Variants in BCCIP observed in about 807,000 individuals in gnomAD.
BCCIP encodes BRCA2 and CDKN1A-interacting protein.
BCCIP carries 23 observed loss-of-function variants against 32.8 expected under a neutral mutation model. The observed-to-expected ratio is 0.70, with a 90% CI of 0.51 to 0.99. The LOEUF (loss-of-function observed/expected upper bound fraction) is 0.99. Ranked by LOEUF, BCCIP falls within the 50% of genes least tolerant of loss-of-function variation. BCCIP has a pLI of 0.00. For missense variants in BCCIP, 378 were observed against 379.8 expected, an observed-to-expected ratio of 1.00 and a Z score of 0.04; for synonymous variants, 144 against 137.6, an observed-to-expected ratio of 1.05 and a Z score of -0.33.
chr10:125,828,547 G>A (rs1440001322), intron 3 of BCCIP, among the ~76,000 whole-genome samples: 1 of 152,176 alleles, frequency 6.6e-6, no homozygotes, highest in Non-Finnish European at 1.5e-5. Context: ...GTCATACACA[G>A]CAAGAAAGAT....
At chr10:125,841,676 G>C in exon 7 of BCCIP, 1 of 1,558,542 alleles carries the variant, frequency 6.4e-7, no homozygotes, top group South Asian at 1.3e-5. Flanking sequence ...ATTTCAAATG[G>C]ATCCGATCTA....
At chr10:125,833,661 C>T in intron 5 of BCCIP, 111 bp from the exon 6 acceptor site, 3 of 962,762 alleles carry the variant, frequency 3.1e-6, no homozygotes, top group Non-Finnish European at 4.8e-6. Flanking sequence ...TGAATGCCTG[C>T]GTCACAGCAG....
downstream of BCCIP, among the ~76,000 whole-genome samples, chr10:125,837,505 G>A (rs1302389215): frequency 6.6e-6 from 1 of 152,166 alleles, no homozygotes; most frequent in Admixed American, 6.5e-5. Context: ...GTACCTCACT[G>A]CAGCCTTGAC....
downstream of BCCIP, chr10:125,840,825 T>C (rs762465972): frequency 5.7e-5 from 89 of 1,550,930 alleles, no homozygotes; most frequent in Non-Finnish European, 7.7e-5. Context: ...AATTAATAGG[T>C]AGTTTCTGAG....
rs749032122 is a variant in BCCIP at position 125,823,573 on chromosome 10, A to G, written c.16A>G (p.Lys6Glu). ...GAGCGGCAACATGGCGTCCAGGTCTAAGCGGCGTGCCGTGGAAAGTGGGGT... is the reference window on the plus strand; with the variant it reads ...GAGCGGCAACATGGCGTCCAGGTCTGAGCGGCGTGCCGTGGAAAGTGGGGT... MASRS[K>E]RRAVESGVPQ... Residue 6 changes from lysine (K) to glutamate (E), a missense_variant, in exon 1 of 7, where the codon AAG (lysine) becomes GAG (glutamate). By Grantham distance (56) the Lys-to-Glu change is moderately conservative. Transcript: ENST00000278100. 13 of 1,613,778 alleles carry G rather than the reference A, an allele frequency of 8.1e-6. No homozygotes were observed. Among genetic ancestry groups the G allele is most frequent in the Admixed American group, 1.7e-5 (1 of 60,002 alleles).
Position 125,836,384 on chromosome 10 carries a change from A to G in BCCIP, c.*110A>G. 1.9e-6 allele frequency: 3 copies of G among 1,555,864 alleles called. No individual in the cohort carries two copies. The highest frequency in any genetic ancestry group is 2.6e-6 in the Non-Finnish European group (3 of 1,153,806). ...ATTCAGATTAAGTTCCTCTACAAAA[A>G]GTAGGGTTCTGTCCCATGTGTCTCT... On this transcript the variant is annotated 3_prime_UTR_variant, in exon 7 of 7. Coordinates refer to ENST00000278100, the MANE Select transcript of BCCIP (RefSeq NM_078468.3).
rs1854393979 is a variant in BCCIP, at chr10:125,826,621, C to T, written c.196C>T (p.Leu66=). Residue 66 remains leucine, a synonymous_variant, in exon 2 of 7, where the codon CTA becomes TTA. Coordinates refer to ENST00000278100, the MANE Select transcript of BCCIP (RefSeq NM_078468.3). ...EVNIEFEAYS[L]SDNDYDGIKK... The stretch of plus-strand genomic sequence containing the variant: ...GAATATTGAATTTGAAGCTTATTCC[C>T]TATCAGATAATGATTATGACGGAAT... 1.9e-6 allele frequency: 3 copies of T among 1,613,562 alleles called. No individual in the cohort carries two copies. Among genetic ancestry groups the T allele is most frequent in the Non-Finnish European group, 2.5e-6 (3 of 1,179,756 alleles).
At chr10:125,831,272 C>G (rs1394175467) in intron 4 of BCCIP, 148 bp from the exon 5 acceptor site, 2 of 658,040 alleles carry the variant, frequency 3.0e-6, no homozygotes, top group Non-Finnish European at 5.2e-6. Flanking sequence ...AATGCTTAAG[C>G]AGTCAACACT....
downstream of BCCIP, chr10:125,841,071 G>A: frequency 1.3e-5 from 19 of 1,505,266 alleles, no homozygotes; most frequent in Non-Finnish European, 1.7e-5. Context: ...AGAGGGGAGG[G>A]GTCACGACTG....
intron 6 of BCCIP, among the ~76,000 whole-genome samples, chr10:125,834,525 A>G (rs1486308649): frequency 6.6e-6 from 1 of 152,106 alleles, no homozygotes; most frequent in African/African-American, 2.4e-5. Flanking sequence ...GAAGTGGGCC[A>G]GGTGCGGTGG....
intron 5 of BCCIP, among the ~76,000 whole-genome samples, chr10:125,832,515 T>C (rs181002649): frequency 7.0e-4 from 107 of 152,324 alleles, no homozygotes; most frequent in African/African-American, 2.5e-3. Flanking sequence ...GTAGCTCAGA[T>C]TGTGCTTCTG....
intron 3 of BCCIP, among the ~76,000 whole-genome samples, chr10:125,829,240 G>A (rs147389192): frequency 8.3e-4 from 127 of 152,298 alleles, no homozygotes; most frequent in African/African-American, 2.8e-3. Flanking sequence ...TACTAGCACC[G>A]ATCTTGTAGA....
At chr10:125,836,629 G>T, downstream of BCCIP, 1 of 1,579,638 alleles carries the variant, frequency 6.3e-7, no homozygotes, top group Non-Finnish European at 8.6e-7. Flanking sequence ...CCCATATCCA[G>T]CAGTTCAGCC....
chr10:125,828,220 C>T (rs1031833362), intron 3 of BCCIP, among the ~76,000 whole-genome samples: 7 of 152,042 alleles, frequency 4.6e-5, no homozygotes, highest in African/African-American at 9.7e-5. Flanking sequence ...AGGATGACTT[C>T]CAGGTTTCTA....
intron 5 of BCCIP, 110 bp downstream of exon 5, chr10:125,831,717 T>A: frequency 9.0e-7 from 1 of 1,105,948 alleles, no homozygotes; most frequent in Non-Finnish European, 1.3e-6. Context: ...GTCCTTGGTT[T>A]AAGTGGGTTT....
rs376359398 is a variant in BCCIP at position 125,834,768 on chromosome 10, G to A, written c.774+822G>A. Among the ~76,000 whole-genome samples the A allele has an allele frequency of 5.3e-4, 80 of 150,934 alleles. No individual in the cohort carries two copies. The South Asian group carries it at 0.016, about 31-fold the overall frequency. ...AGAGGCTGCAGTGAGCCGAGATCGC[G>A]CCACTGCACTCCAGCCTGAGCAACA... On this transcript the variant is annotated intron_variant, in intron 6 of 6. Transcript: ENST00000278100.
At chr10:125,835,315 T>A (rs1312648309) in intron 6 of BCCIP, among the ~76,000 whole-genome samples, 1 of 151,900 alleles carries the variant, frequency 6.6e-6, no homozygotes, top group Non-Finnish European at 1.5e-5. Flanking sequence ...GTGCGGTGGC[T>A]CATGCCTGTA....
At position 125,852,300 on chromosome 10, in the gene BCCIP, G is replaced by A. The variant is rs61757587; in HGVS notation, c.851-825G>A. On this transcript the variant is annotated intron_variant, in intron 7 of 7. Coordinates refer to the BCCIP transcript ENST00000368759. ...ATGGGAGCATAAGGCTACCTGGTCT[G>A]TTCATGAAGTCACAGTGGCCTAGGC... 2,529 of 1,613,974 alleles carry A rather than the reference G, an allele frequency of 1.6e-3. 30 individuals are homozygous for A. In the African/African-American group the frequency reaches 0.026, roughly 17 times the overall value.
chr10:125,831,518 T>C lies in BCCIP; in HGVS notation c.510T>C (p.Asn170=), dbSNP rs1854521317. Residue 170 remains asparagine, a synonymous_variant, in exon 5 of 7, where the codon AAT becomes AAC. Transcript: ENST00000278100. ...TTGAACAGCTGGACAAGTTTTTAAATGACACCACCAAGCCTGTGGGCCTTC... is the reference window on the plus strand; with the variant it reads ...TTGAACAGCTGGACAAGTTTTTAAACGACACCACCAAGCCTGTGGGCCTTC... The part of the protein sequence containing the change: ...SMVEQLDKFL[N]DTTKPVGLLL... 6.2e-7 allele frequency: 1 copy of C among 1,614,214 alleles called. No individual in the cohort carries two copies. Among genetic ancestry groups the C allele is most frequent in the African/African-American group, 1.3e-5 (1 of 75,058 alleles).
Sources: gnomAD v4.1 joint callset for allele counts (sites outside exome capture counted in the v4.1 genomes callset) on GRCh38, gnomAD v4.1.1 for gene constraint, MANE v1.5 for transcripts, NCBI Gene and HGNC (gene_info 2026-07-23, HGNC 2026-07-21) for gene names.